The following TEC variants were observed in gnomAD, a reference collection of about 807,000 sequenced individuals.
TEC encodes the protein tyrosine-protein kinase Tec.
In TEC, 72 loss-of-function variants were observed where a neutral mutation model predicts 93.0. That is an observed-to-expected ratio of 0.77 (90% CI 0.64 to 0.94). TEC has a LOEUF of 0.94. Among genes scored for constraint, TEC ranks in the 40% least tolerant of loss-of-function variants. The probability of loss-of-function intolerance (pLI) is 0.00; values close to 1 mark genes in which losing one functional copy is unlikely to be tolerated. For synonymous variants in TEC, 249 were observed against 247.7 expected, an observed-to-expected ratio of 1.01 and a Z score of -0.05; for missense variants, 630 against 757.9, an observed-to-expected ratio of 0.83 and a Z score of 1.98.
At chr4:48,233,349 T>G (rs1465550314) in intron 1 of TEC, among the ~76,000 whole-genome samples, 6 of 151,366 alleles carry the variant, frequency 4.0e-5, no homozygotes, top group African/African-American at 4.8e-5. Flanking sequence ...ACTTTTTTTT[T>G]TTTTTTTTTT....
At chr4:48,249,135 A>G (rs767473675) in intron 1 of TEC, among the ~76,000 whole-genome samples, 11 of 152,346 alleles carry the variant, frequency 7.2e-5, no homozygotes, top group South Asian at 6.2e-4. Flanking sequence ...GGATCATAAA[A>G]GATAATGAAA....
At chr4:48,196,383 C>A (rs1232774807) in intron 2 of TEC, among the ~76,000 whole-genome samples, 1 of 152,208 alleles carries the variant, frequency 6.6e-6, no homozygotes, top group Admixed American at 6.5e-5. Flanking sequence ...AGTTACTTAA[C>A]CTCTCTGTGC....
At chr4:48,188,621 T>C (rs941211540) in intron 2 of TEC, among the ~76,000 whole-genome samples, 1 of 152,160 alleles carries the variant, frequency 6.6e-6, no homozygotes, top group Non-Finnish European at 1.5e-5. Flanking sequence ...TATGTATGTA[T>C]GCTATACATA....
chr4:48,241,172 G>A (rs554517920), intron 1 of TEC, among the ~76,000 whole-genome samples: 3 of 151,710 alleles, frequency 2.0e-5, no homozygotes, highest in African/African-American at 7.3e-5. Context: ...ATTCATCATT[G>A]TCATTATCTG....
In TEC at chr4:48,163,719, GT is replaced by G; in HGVS notation, c.719del (p.Asn240ThrfsTer3). 6.7e-7 allele frequency: 1 copy of G among 1,494,042 alleles called. No homozygotes were observed. Among genetic ancestry groups the G allele is most frequent in the Non-Finnish European group, 9.1e-7 (1 of 1,099,954 alleles). 92.5% of individuals were successfully genotyped at this position (1,494,042 alleles called of 1,614,324 possible). On this transcript the variant is annotated frameshift_variant, in exon 8 of 18. Coordinates refer to ENST00000381501, the MANE Select transcript of TEC (RefSeq NM_003215.3). LOFTEE classifies it high-confidence loss of function. ...PSNYVTGKKS[N>X]NLDQYEWYCR... Reference sequence around the variant, plus strand: ...TTACTTACTCATATTGATCTAAGTTGTTTGATTTCTTTCCCGTTACGTAATT... The same window carrying G: ...TTACTTACTCATATTGATCTAAGTTGTTGATTTCTTTCCCGTTACGTAATT...
intron 1 of TEC, among the ~76,000 whole-genome samples, chr4:48,232,310 CAA>C (rs59709229): frequency 1.4e-5 from 2 of 147,984 alleles, no homozygotes; most frequent in African/African-American, 5.0e-5. Flanking sequence ...AAAAACAAAA[CAA>C]AAAAAAAACA....
chr4:48,182,730 G>A (rs932947724), intron 2 of TEC, among the ~76,000 whole-genome samples: 1 of 152,166 alleles, frequency 6.6e-6, no homozygotes, highest in Non-Finnish European at 1.5e-5. Context: ...TTAGATGGAT[G>A]AGATTCTGTC....
In TEC at chr4:48,136,205, G is replaced by A. The variant is rs1285445282; in HGVS notation, c.*1211C>T. 5 of 152,222 alleles carry A rather than the reference G, an allele frequency of 3.3e-5. No homozygotes were observed. Among genetic ancestry groups the A allele is most frequent in the Admixed American group, 2.6e-4 (4 of 15,278 alleles). 9.4% of individuals were successfully genotyped at this position (152,222 alleles called of 1,614,324 possible). On this transcript the variant is annotated 3_prime_UTR_variant, in exon 18 of 18. Coordinates refer to ENST00000381501, the MANE Select transcript of TEC (RefSeq NM_003215.3). ...CTAATTCCGTTGATGTCTTAGTAGAGCTTCTAAGGGTGAGAAATCCACACA... is the reference window on the plus strand; with the variant it reads ...CTAATTCCGTTGATGTCTTAGTAGAACTTCTAAGGGTGAGAAATCCACACA...
chr4:48,153,283 A>C (rs897923444), intron 9 of TEC, among the ~76,000 whole-genome samples: 2 of 152,178 alleles, frequency 1.3e-5, no homozygotes, highest in Non-Finnish European at 2.9e-5. Flanking sequence ...ATCAGGAAGA[A>C]AGCATTAGAG....
At position 48,221,168 on chromosome 4, in the gene TEC, G is replaced by A. The variant is rs373816487; in HGVS notation, c.138+7309C>T. On this transcript the variant is annotated intron_variant, in intron 2 of 17. Coordinates refer to ENST00000381501, the MANE Select transcript of TEC (RefSeq NM_003215.3). ...GTCCAGAAGGGTCCCAAGCACAGAA[G>A]CTTCTGTCTCCATGGAGTTTGGGTT... 7.2e-5 allele frequency among the ~76,000 whole-genome samples: 11 copies of A among 152,344 alleles called. No individual in the cohort carries two copies. The East Asian group carries it at 1.9e-3, about 27-fold the overall frequency.
chr4:48,183,377 G>C (rs1284235178), intron 2 of TEC, among the ~76,000 whole-genome samples: 1 of 152,164 alleles, frequency 6.6e-6, no homozygotes, highest in Non-Finnish European at 1.5e-5. Context: ...TCAGACGGCT[G>C]GTAAAACGTT....
In TEC at chr4:48,191,029, G is replaced by C. The variant is rs143359409; in HGVS notation, c.139-14843C>G. 2.0e-5 allele frequency among the ~76,000 whole-genome samples: 3 copies of C among 152,256 alleles called. No homozygotes were observed. The East Asian group carries it at 5.8e-4, about 29-fold the overall frequency. Reference sequence around the variant, plus strand: ...GCAGAGTCAATATGACATAATGATTGAGCACCCAGGCTTCAGTGACCAGCA... The same window carrying C: ...GCAGAGTCAATATGACATAATGATTCAGCACCCAGGCTTCAGTGACCAGCA... On this transcript the variant is annotated intron_variant, in intron 2 of 17. Transcript: ENST00000381501.
intron 1 of TEC, among the ~76,000 whole-genome samples, chr4:48,239,225 G>C (rs1308130377): frequency 2.6e-5 from 4 of 151,890 alleles, no homozygotes; most frequent in African/African-American, 7.3e-5. Context: ...ATGATATCAA[G>C]AAAATACTAG....
chr4:48,168,238 C>T (rs1720953730), intron 6 of TEC, among the ~76,000 whole-genome samples: 1 of 152,138 alleles, frequency 6.6e-6, no homozygotes, highest in Non-Finnish European at 1.5e-5. Flanking sequence ...AAAGGCATAT[C>T]ATTATATCAG....
chr4:48,223,697 C>A (rs754374106), intron 2 of TEC, among the ~76,000 whole-genome samples: 3 of 152,172 alleles, frequency 2.0e-5, no homozygotes, highest in Non-Finnish European at 4.4e-5. Flanking sequence ...CCAAGAAAGG[C>A]CTGTTTACAA....
Position 48,167,768 on chromosome 4 carries a change from G to C in TEC, c.671+10C>G. 6.2e-7 allele frequency: 1 copy of C among 1,613,010 alleles called. No homozygotes were observed. Among genetic ancestry groups the C allele is most frequent in the Non-Finnish European group, 8.5e-7 (1 of 1,179,280 alleles). ...CCACTGCATATCACACACATAGAGG[G>C]AATACTTACCCATATTTATCTCTTG... On this transcript the variant is annotated intron_variant, in intron 7 of 17. Coordinates refer to ENST00000381501, the MANE Select transcript of TEC (RefSeq NM_003215.3).
intron 1 of TEC, among the ~76,000 whole-genome samples, chr4:48,256,837 G>C (rs1448824374): frequency 6.6e-6 from 1 of 152,102 alleles, no homozygotes; most frequent in Non-Finnish European, 1.5e-5. Context: ...GTCAGGGATG[G>C]GGATAGAGTG....
At chr4:48,259,597 T>G (rs1015196084) in intron 1 of TEC, among the ~76,000 whole-genome samples, 1 of 151,594 alleles carries the variant, frequency 6.6e-6, no homozygotes, top group Non-Finnish European at 1.5e-5. Flanking sequence ...ATGCCTATAG[T>G]CCCAGTTATT....
intron 2 of TEC, among the ~76,000 whole-genome samples, chr4:48,204,488 G>A (rs538300588): frequency 2.8e-4 from 42 of 152,234 alleles, no homozygotes; most frequent in African/African-American, 9.6e-4. Context: ...TTTTCCTTTC[G>A]CTGATTTTGC....
Sources: gnomAD v4.1 joint callset for allele counts (sites outside exome capture counted in the v4.1 genomes callset) on GRCh38, gnomAD v4.1.1 for gene constraint, MANE v1.5 for transcripts, NCBI Gene and HGNC (gene_info 2026-07-23, HGNC 2026-07-21) for gene names.